The following ZDHHC11 variants were observed in gnomAD, a reference collection of about 807,000 sequenced individuals.
The protein encoded by ZDHHC11 is zDHHC palmitoyltransferase 11.
In ZDHHC11, 44 loss-of-function variants were observed where a neutral mutation model predicts 51.3. The observed-to-expected ratio is 0.86, with a 90% CI of 0.67 to 1.10. The LOEUF (loss-of-function observed/expected upper bound fraction) is 1.10, where lower values mean the gene tolerates loss of function less well. Among genes scored for constraint, ZDHHC11 ranks in the 50% least tolerant of loss-of-function variants. The pLI is 0.00. For missense variants in ZDHHC11, 400 were observed against 537.7 expected, an observed-to-expected ratio of 0.74 and a Z score of 2.53; for synonymous variants, 163 against 222.0, an observed-to-expected ratio of 0.73 and a Z score of 2.36.
In ZDHHC11 at chr5:845,703, T is replaced by G. The variant is rs866692236; in HGVS notation, c.503+1811A>C. On this transcript the variant is annotated intron_variant, in intron 3 of 12. Coordinates refer to ENST00000283441, the MANE Select transcript of ZDHHC11 (RefSeq NM_024786.3). ...GGGGCTCTGCCATCAGCTCCTCAAC[T>G]TTCCTCATCTTGCTCTCAATGCCGT... 6.5e-3 allele frequency among the ~76,000 whole-genome samples: 992 copies of G among 151,734 alleles called. 3 individuals are homozygous for G. The highest frequency in any genetic ancestry group is 0.022 in the African/African-American group (921 of 41,038).
intron 1 of ZDHHC11, among the ~76,000 whole-genome samples, chr5:856,575 CCACA>C (rs767798828): frequency 1.3e-5 from 2 of 151,244 alleles, no homozygotes; most frequent in East Asian, 2.0e-4. Context: ...GCACCACACA[CCACA>C]CAAACCACAC....
At chr5:823,860 A>G (rs1300074600) in intron 8 of ZDHHC11, 2 of 351,778 alleles carry the variant, frequency 5.7e-6, no homozygotes, top group African/African-American at 4.3e-5. Context: ...AACTCCCATG[A>G]GCCCGTGTGC....
intron 5 of ZDHHC11, among the ~76,000 whole-genome samples, chr5:837,716 A>G (rs115512638): frequency 0.058 from 8,794 of 151,446 alleles, 373 homozygotes; most frequent in African/African-American, 0.084. Flanking sequence ...CCTGGGGAAC[A>G]GTGCTGACCC....
At position 836,696 on chromosome 5, in the gene ZDHHC11, A is replaced by G. The variant is rs1460829688; in HGVS notation, c.900+669T>C. The stretch of plus-strand genomic sequence containing the variant: ...TGTTCTATGTCTATTTAGACTTTCT[A>G]TGTCTTCTTGAGTTAGTTATAATAA... On this transcript the variant is annotated intron_variant, in intron 6 of 12. Transcript: ENST00000283441. 4.7e-5 allele frequency among the ~76,000 whole-genome samples: 7 copies of G among 149,506 alleles called. 1 individual carries two copies. The highest frequency in any genetic ancestry group is 4.6e-4 in the Admixed American group (7 of 15,076).
chr5:853,213 A>G (rs1747560367), upstream of ZDHHC11, among the ~76,000 whole-genome samples: 1 of 131,028 alleles, frequency 7.6e-6, no homozygotes, highest in Non-Finnish European at 1.6e-5. Flanking sequence ...TCCACAGAGG[A>G]CAGCGAGCCG....
upstream of ZDHHC11, among the ~76,000 whole-genome samples, chr5:853,190 AG>A (rs1355308530): frequency 1.5e-5 from 2 of 132,948 alleles, no homozygotes; most frequent in African/African-American, 5.7e-5. Flanking sequence ...ACAGCGAGCC[AG>A]GGGGCAGAGA....
chr5:833,053 ATTG>A (rs1410598075), intron 7 of ZDHHC11, among the ~76,000 whole-genome samples: 1 of 150,458 alleles, frequency 6.6e-6, no homozygotes, highest in Non-Finnish European at 1.5e-5. Flanking sequence ...TGTTGTCGTA[ATTG>A]TAGTAAGGAA....
chr5:800,828 C>A (rs1738309422), intron 12 of ZDHHC11, among the ~76,000 whole-genome samples: 1 of 151,188 alleles, frequency 6.6e-6, no homozygotes. Flanking sequence ...GACTTAAAGG[C>A]AAGTATGGAA....
At chr5:804,970 AT>A (rs1264835564) in intron 11 of ZDHHC11, among the ~76,000 whole-genome samples, 7 of 151,474 alleles carry the variant, frequency 4.6e-5, no homozygotes, top group Admixed American at 2.0e-4. Flanking sequence ...AGTCAATAAT[AT>A]TGTACTTTTG....
At chr5:830,622 G>GAAA (rs779220270) in intron 7 of ZDHHC11, among the ~76,000 whole-genome samples, 1 of 95,276 alleles carries the variant, frequency 1.0e-5, no homozygotes, top group African/African-American at 4.8e-5. Context: ...CACAGAACTA[G>GAAA]AAAAAACAAT....
upstream of ZDHHC11, among the ~76,000 whole-genome samples, chr5:860,188 A>C (rs866243007): frequency 1.2e-4 from 18 of 152,292 alleles, no homozygotes; most frequent in Admixed American, 7.8e-4. The surrounding 1 kb of genome is among the most constrained non-coding windows in gnomAD (Gnocchi z 4.2). Flanking sequence ...GGGGCAGGGA[A>C]GCCTACCTGA....
At chr5:805,400 C>G (rs1339067515) in intron 11 of ZDHHC11, among the ~76,000 whole-genome samples, 1 of 150,818 alleles carries the variant, frequency 6.6e-6, no homozygotes, top group African/African-American at 2.4e-5. Flanking sequence ...ACTGTGCACT[C>G]CAGCCTGGGC....
Position 804,516 on chromosome 5 carries a change from C to A in ZDHHC11, c.1182-3352G>T, listed in dbSNP as rs192694692. On this transcript the variant is annotated intron_variant, in intron 11 of 12. Coordinates refer to ENST00000283441, the MANE Select transcript of ZDHHC11 (RefSeq NM_024786.3). ...TCCAAGGAGCTCAACGAATTCCAAG[C>A]AGGCTATACGCCAAAAGATCTACAC... 1.5e-3 allele frequency among the ~76,000 whole-genome samples: 188 copies of A among 121,724 alleles called. 6 individuals carry two copies. Among genetic ancestry groups the A allele is most frequent in the African/African-American group, 5.5e-3 (183 of 33,096 alleles). The allele number at this position is 121,724 out of a possible 152,430, so 79.9% of individuals were successfully genotyped here.
rs532750362 is a variant in ZDHHC11, at chr5:814,947, C to T, written c.1147-152G>A. ...ATGGAATAGGATCTCAGTGGTGACA[C>T]AGCACCCTTCCTCCCAATCCTTGTA... On this transcript the variant is annotated intron_variant, in intron 10 of 12. Transcript: ENST00000283441. 17 of 791,374 alleles carry T rather than the reference C, an allele frequency of 2.1e-5. No individual in the cohort carries two copies. The South Asian group carries it at 5.2e-4, about 24-fold the overall frequency. 49.0% of individuals were successfully genotyped at this position (791,374 alleles called of 1,614,324 possible). A position where few individuals can be genotyped will look rare whatever the true frequency, so the allele number is the denominator to read the frequency against.
At chr5:814,920 T>C (rs1206666480) in intron 10 of ZDHHC11, 125 bp from the exon 11 acceptor site, 4 of 1,005,170 alleles carry the variant, frequency 4.0e-6, no homozygotes, top group Non-Finnish European at 5.5e-6. Flanking sequence ...AATGCCTGGA[T>C]CATGGAATAG....
At chr5:797,432 T>TA in intron 12 of ZDHHC11, among the ~76,000 whole-genome samples, 1 of 151,910 alleles carries the variant, frequency 6.6e-6, no homozygotes, top group South Asian at 2.1e-4. Context: ...ACTCTAAACA[T>TA]AACATAGCCT....
At chr5:808,860 G>C (rs1739675991) in intron 11 of ZDHHC11, among the ~76,000 whole-genome samples, 1 of 146,688 alleles carries the variant, frequency 6.8e-6, no homozygotes, top group South Asian at 2.3e-4. Context: ...ACTACGCCTG[G>C]CTAATCCTTT....
At chr5:854,986 G>A (rs182778768), upstream of ZDHHC11, among the ~76,000 whole-genome samples, 12 of 143,256 alleles carry the variant, frequency 8.4e-5, no homozygotes, top group African/African-American at 2.6e-4. Context: ...GGAGGACAGC[G>A]AGCCAGGGGG....
Position 795,910 on chromosome 5 carries a change from A to G in ZDHHC11, c.*678T>C, listed in dbSNP as rs1249295723. On this transcript the variant is annotated 3_prime_UTR_variant, in exon 13 of 13. Coordinates refer to ENST00000283441, the MANE Select transcript of ZDHHC11 (RefSeq NM_024786.3). The stretch of plus-strand genomic sequence containing the variant: ...GTACTGTGGGCTCCCATTTCCCAGT[A>G]CTGTGCTCCCATTTCCCAGTACTGT... 2 of 87,064 alleles carry G rather than the reference A, an allele frequency of 2.3e-5. No homozygotes were observed. Among genetic ancestry groups the G allele is most frequent in the African/African-American group, 7.2e-5 (1 of 13,922 alleles). The allele number at this position is 87,064 out of a possible 1,614,324, so 5.4% of individuals were successfully genotyped here.
Sources: allele counts gnomAD v4.1 joint callset (sites outside exome capture counted in the v4.1 genomes callset), GRCh38; gene constraint gnomAD v4.1.1; non-coding constraint Gnocchi (gnomAD v3.1); transcripts MANE v1.5; gene names NCBI Gene and HGNC (gene_info 2026-07-23, HGNC 2026-07-21).